The following DCLK2 variants were observed in gnomAD, a reference collection of about 807,000 sequenced individuals.
DCLK2 encodes the protein serine/threonine-protein kinase DCLK2.
In DCLK2, 31 loss-of-function variants were observed where a neutral mutation model predicts 78.4. The observed-to-expected ratio is 0.40, with a 90% CI of 0.30 to 0.53. The LOEUF (loss-of-function observed/expected upper bound fraction) is 0.53, where lower values mean the gene tolerates loss of function less well. Among genes scored for constraint, DCLK2 ranks in the 20% least tolerant of loss-of-function variants. DCLK2 has a pLI of 0.61. For missense variants in DCLK2, 872 were observed against 973.7 expected, an observed-to-expected ratio of 0.90 and a Z score of 1.39; for synonymous variants, 407 against 374.9, an observed-to-expected ratio of 1.09 and a Z score of -0.99.
intron 4 of DCLK2, among the ~76,000 whole-genome samples, chr4:150,201,743 A>G (rs1248357347): frequency 6.6e-6 from 1 of 152,104 alleles, no homozygotes; most frequent in Non-Finnish European, 1.5e-5. Flanking sequence ...GAACTCTAAC[A>G]GTGCTTACTG....
chr4:150,195,318 T>A (rs1161291517), intron 3 of DCLK2, among the ~76,000 whole-genome samples: 622 of 3,308 alleles, frequency 0.19, 275 homozygotes, highest in Non-Finnish European at 0.4. Flanking sequence ...TATTATATAT[T>A]ATATTATATA....
chr4:150,087,214 G>T lies in DCLK2; in HGVS notation c.421+7766G>T, dbSNP rs567445366. On this transcript the variant is annotated intron_variant, in intron 1 of 15. Coordinates refer to ENST00000296550, the MANE Select transcript of DCLK2 (RefSeq NM_001040260.4). ...GGTAAAATACCGGTTTGGTGAGGTCGCCCTAAGTACTTTTCATTACACTAT... is the reference window on the plus strand; with the variant it reads ...GGTAAAATACCGGTTTGGTGAGGTCTCCCTAAGTACTTTTCATTACACTAT... Among the ~76,000 whole-genome samples, 3 of 152,224 alleles carry T rather than the reference G, an allele frequency of 2.0e-5. No homozygotes were observed. The South Asian group carries it at 6.2e-4, about 32-fold the overall frequency.
chr4:150,242,427 T>C (rs1742994771), intron 12 of DCLK2, among the ~76,000 whole-genome samples: 1 of 152,248 alleles, frequency 6.6e-6, no homozygotes, highest in African/African-American at 2.4e-5. Context: ...TTACACAGAC[T>C]GTAGAATTAC....
At chr4:150,253,886 A>G (rs1230646943) in intron 15 of DCLK2, 1 of 985,344 alleles carries the variant, frequency 1.0e-6, no homozygotes, top group African/African-American at 1.7e-5. Flanking sequence ...GCCTTCGTGA[A>G]GGCTTTTGTT....
At chr4:150,192,669 T>C (rs1207305048) in intron 2 of DCLK2, among the ~76,000 whole-genome samples, 1 of 152,038 alleles carries the variant, frequency 6.6e-6, no homozygotes, top group East Asian at 1.9e-4. Context: ...TTCCAAGCAG[T>C]TTTTATATAT....
intron 2 of DCLK2, among the ~76,000 whole-genome samples, chr4:150,153,871 T>A (rs1181959070): frequency 6.6e-6 from 1 of 152,190 alleles, no homozygotes; most frequent in East Asian, 1.9e-4. Context: ...TCCTCAGGAC[T>A]CAGTGTGTTT....
At chr4:150,079,549 C>T (rs1298894052) in intron 1 of DCLK2, 101 bp downstream of exon 1, 4 of 1,219,672 alleles carry the variant, frequency 3.3e-6, no homozygotes, top group Non-Finnish European at 1.1e-6. Context: ...CTTTCCAAGC[C>T]GCACGGGAAT....
chr4:150,170,170 C>T (rs1350215186), intron 2 of DCLK2, among the ~76,000 whole-genome samples: 3 of 152,184 alleles, frequency 2.0e-5, no homozygotes, highest in East Asian at 3.9e-4. Context: ...TCTCCTGCCT[C>T]AGCCTCCCGA....
At chr4:150,113,993 G>A (rs1731883205) in intron 2 of DCLK2, among the ~76,000 whole-genome samples, 1 of 152,078 alleles carries the variant, frequency 6.6e-6, no homozygotes, top group Admixed American at 6.6e-5. Context: ...TTTGATTTCA[G>A]TGTTAACTCA....
chr4:150,179,291 G>T (rs1737325926), intron 2 of DCLK2, among the ~76,000 whole-genome samples: 1 of 152,124 alleles, frequency 6.6e-6, no homozygotes, highest in Admixed American at 6.6e-5. Flanking sequence ...GCCTCCCAAA[G>T]TGATGAGATT....
chr4:150,080,414 A>G (rs920867283), intron 1 of DCLK2, among the ~76,000 whole-genome samples: 2 of 152,188 alleles, frequency 1.3e-5, no homozygotes, highest in Non-Finnish European at 2.9e-5. Context: ...AGGCATTATC[A>G]GTGGTTAAGA....
At chr4:150,107,378 G>GGTTTTTTTTTT (rs535824608) in intron 2 of DCLK2, among the ~76,000 whole-genome samples, 1 of 125,180 alleles carries the variant, frequency 8.0e-6, no homozygotes, top group Non-Finnish European at 1.6e-5. Context: ...TTTGGTTATT[G>GGTTTTTTTTTT]TTTTTTTTTT....
At position 150,218,056 on chromosome 4, in the gene DCLK2, G is replaced by A. The variant is rs901886813; in HGVS notation, c.1057-2647G>A. Among the ~76,000 whole-genome samples, 3 of 149,310 alleles carry A rather than the reference G, an allele frequency of 2.0e-5. 1 individual carries two copies. The highest frequency in any genetic ancestry group is 4.2e-4 in the South Asian group (2 of 4,752). On this transcript the variant is annotated intron_variant, in intron 5 of 15. Coordinates refer to ENST00000296550, the MANE Select transcript of DCLK2 (RefSeq NM_001040260.4). ...CTCGCTGTTGCTCGCTCTCACTCTC[G>A]CTCTCTCTCTCGCTCTCTCTCTCCT...
chr4:150,094,334 G>C (rs1011859631), intron 1 of DCLK2, among the ~76,000 whole-genome samples: 1 of 152,204 alleles, frequency 6.6e-6, no homozygotes, highest in Admixed American at 6.5e-5. Context: ...TAACAGTGGA[G>C]ATTTTAAATG....
At chr4:150,111,699 A>T (rs184856339) in intron 2 of DCLK2, among the ~76,000 whole-genome samples, 1 of 151,998 alleles carries the variant, frequency 6.6e-6, no homozygotes, top group Non-Finnish European at 1.5e-5. Context: ...TCTACATGTG[A>T]TTATCCAGTC....
At chr4:150,139,415 G>T (rs188457300) in intron 2 of DCLK2, among the ~76,000 whole-genome samples, 1 of 152,164 alleles carries the variant, frequency 6.6e-6, no homozygotes, top group African/African-American at 2.4e-5. Flanking sequence ...ACTCCTGGAC[G>T]AATGCCTGTG....
chr4:150,194,368 C>G (rs769268347), intron 3 of DCLK2, among the ~76,000 whole-genome samples: 2 of 152,076 alleles, frequency 1.3e-5, no homozygotes, highest in Non-Finnish European at 2.9e-5. Flanking sequence ...GAATAAATTG[C>G]CTAATAATGC....
chr4:150,231,548 A>C (rs1419903183), intron 8 of DCLK2, among the ~76,000 whole-genome samples: 1 of 152,234 alleles, frequency 6.6e-6, no homozygotes, highest in African/African-American at 2.4e-5. Context: ...GTCTCATTTA[A>C]AACACAGCAA....
intron 2 of DCLK2, among the ~76,000 whole-genome samples, chr4:150,155,488 T>G (rs989665823): frequency 6.6e-6 from 1 of 152,226 alleles, no homozygotes; most frequent in African/African-American, 2.4e-5. Context: ...AAGAGAATGA[T>G]TGTACTGATA....
Sources: allele counts gnomAD v4.1 joint callset (sites outside exome capture counted in the v4.1 genomes callset), GRCh38; gene constraint gnomAD v4.1.1; transcripts MANE v1.5; gene names NCBI Gene and HGNC (gene_info 2026-07-23, HGNC 2026-07-21).